The following TMEM233 variants were observed in gnomAD, a reference collection of about 807,000 sequenced individuals.
TMEM233 encodes the protein dispanin subfamily B member 2.
A neutral mutation model predicts 11.2 loss-of-function variants in TMEM233; 6 were observed. The observed-to-expected ratio is 0.54, with a 90% CI of 0.29 to 1.06. The LOEUF is 1.06. Ranked by LOEUF, TMEM233 falls within the 50% of genes least tolerant of loss-of-function variation. The pLI, the probability that TMEM233 is intolerant of heterozygous loss-of-function variation, is 0.08. For synonymous variants in TMEM233, 59 were observed against 55.8 expected, an observed-to-expected ratio of 1.06 and a Z score of -0.26; for missense variants, 127 against 144.7, an observed-to-expected ratio of 0.88 and a Z score of 0.63.
intron 1 of TMEM233, among the ~76,000 whole-genome samples, chr12:119,614,330 G>A (rs1056434009): frequency 6.6e-5 from 10 of 151,950 alleles, no homozygotes; most frequent in South Asian, 2.1e-4. Flanking sequence ...TCGCTTGAAC[G>A]TGGGAAGCGG....
the TMEM233 span, among the ~76,000 whole-genome samples, chr12:119,649,230 G>A: frequency 6.6e-6 from 1 of 152,070 alleles, no homozygotes; most frequent in Non-Finnish European, 1.5e-5. Context: ...CCCAGGTGGC[G>A]GAGGTTGCAG....
chr12:119,632,582 T>G (rs1206182579), intron 2 of TMEM233, among the ~76,000 whole-genome samples: 1 of 152,150 alleles, frequency 6.6e-6, no homozygotes, highest in East Asian at 1.9e-4. Flanking sequence ...AGGACATACA[T>G]GAGGTAGCCT....
At chr12:119,628,808 C>T (rs1001921913) in intron 1 of TMEM233, among the ~76,000 whole-genome samples, 1 of 152,104 alleles carries the variant, frequency 6.6e-6, no homozygotes, top group Non-Finnish European at 1.5e-5. Context: ...CCCACCAGCT[C>T]ACTCTTAAAT....
In TMEM233 at chr12:119,593,868, G is replaced by C. The variant is rs2136654079; in HGVS notation, c.20G>C (p.Ser7Thr). 6.4e-7 allele frequency: 1 copy of C among 1,551,666 alleles called. No homozygotes were observed. MSQYAP[S>T]PDFKRALDSS... ...TCGCCCATGTCTCAGTACGCCCCTA[G>C]CCCGGACTTCAAGAGGGCTTTGGAC... Residue 7 changes from serine (S) to threonine (T), a missense_variant, in exon 1 of 3, where the codon AGC (serine) becomes ACC (threonine). Coordinates refer to ENST00000426426, the MANE Select transcript of TMEM233 (RefSeq NM_001136534.3). The surrounding 1 kb of genome is among the most constrained non-coding windows in gnomAD (Gnocchi z 4.1).
chr12:119,626,472 GAA>G (rs750511494), intron 1 of TMEM233, among the ~76,000 whole-genome samples: 1 of 24,132 alleles, frequency 4.1e-5, no homozygotes, highest in African/African-American at 1.1e-4. Context: ...TCCGTCTCCG[GAA>G]AAAAAAAAAA....
chr12:119,653,160 G>A, the TMEM233 span, among the ~76,000 whole-genome samples: 16 of 152,066 alleles, frequency 1.1e-4, no homozygotes, highest in Admixed American at 6.5e-4. Flanking sequence ...TTGGGAGGCC[G>A]AGGTGGATGG....
chr12:119,621,562 T>C (rs1395207975), intron 1 of TMEM233, among the ~76,000 whole-genome samples: 1 of 152,224 alleles, frequency 6.6e-6, no homozygotes. Context: ...GTACAATTAC[T>C]GTACCAAACT....
rs117638505 is a variant in TMEM233, at chr12:119,619,996, G to A, written c.187-9740G>A. On this transcript the variant is annotated intron_variant, in intron 1 of 2. Transcript: ENST00000426426. ...TACAAAACTCATCAAGAAGAAATAC[G>A]TAGGATCAATAAATATTCATTTATA... 4.9e-4 allele frequency among the ~76,000 whole-genome samples: 74 copies of A among 152,300 alleles called. No homozygotes were observed. In the East Asian group the frequency reaches 0.011, roughly 23 times the overall value.
intron 2 of TMEM233, among the ~76,000 whole-genome samples, chr12:119,633,126 T>G (rs1476061640): frequency 3.3e-5 from 5 of 152,214 alleles, no homozygotes; most frequent in Non-Finnish European, 7.3e-5. Context: ...TATGATTTAA[T>G]ACCAGCTTTA....
chr12:119,617,410 A>T (rs1954558140), intron 1 of TMEM233, among the ~76,000 whole-genome samples: 1 of 152,168 alleles, frequency 6.6e-6, no homozygotes, highest in Non-Finnish European at 1.5e-5. Flanking sequence ...TGCCCCAGAG[A>T]TCTATGGAAC....
chr12:119,614,374 T>A (rs1954477099), intron 1 of TMEM233, among the ~76,000 whole-genome samples: 1 of 151,082 alleles, frequency 6.6e-6, no homozygotes, highest in African/African-American at 2.4e-5. Flanking sequence ...ACCACTGCAC[T>A]CCAGGCTGGG....
intron 1 of TMEM233, among the ~76,000 whole-genome samples, chr12:119,596,083 C>T (rs566328219): frequency 2.0e-5 from 3 of 152,304 alleles, no homozygotes; most frequent in Non-Finnish European, 2.9e-5. Flanking sequence ...CGGTTCCTTC[C>T]GACCAACCAG....
intron 2 of TMEM233, chr12:119,631,800 A>G (rs1216979314): frequency 7.5e-6 from 2 of 266,584 alleles, no homozygotes; most frequent in East Asian, 3.5e-4. Context: ...CTGTAAAATG[A>G]GAATAATAGT....
chr12:119,614,280 A>T (rs1326995719), intron 1 of TMEM233, among the ~76,000 whole-genome samples: 1 of 151,880 alleles, frequency 6.6e-6, no homozygotes, highest in Non-Finnish European at 1.5e-5. Flanking sequence ...GGTGGCGTGC[A>T]TCTGTAATCC....
intron 1 of TMEM233, among the ~76,000 whole-genome samples, chr12:119,614,999 C>T (rs1253510392): frequency 1.3e-5 from 2 of 151,576 alleles, no homozygotes; most frequent in Non-Finnish European, 2.9e-5. Context: ...CTCTCTCTTT[C>T]ACTCCTACAG....
chr12:119,619,521 G>A lies in TMEM233; in HGVS notation c.187-10215G>A, dbSNP rs1346005298. ...CTGGTAGTGGTAGCACTCACCTGTA[G>A]TCCCAGATACTTGGGAGGCTGAGGT... On this transcript the variant is annotated intron_variant, in intron 1 of 2. Coordinates refer to ENST00000426426, the MANE Select transcript of TMEM233 (RefSeq NM_001136534.3). Among the ~76,000 whole-genome samples, 3 of 151,898 alleles carry A rather than the reference G, an allele frequency of 2.0e-5. No individual in the cohort carries two copies. The East Asian group carries it at 5.8e-4, about 29-fold the overall frequency.
At chr12:119,620,704 GA>G (rs112295277) in intron 1 of TMEM233, among the ~76,000 whole-genome samples, 1,633 of 152,200 alleles carry the variant, frequency 0.011, 32 homozygotes, top group African/African-American at 0.037. Flanking sequence ...AGAATACAAG[GA>G]TGATGTAACA....
At chr12:119,629,409 CA>C (rs56377138) in intron 1 of TMEM233, among the ~76,000 whole-genome samples, 4,302 of 27,942 alleles carry the variant, frequency 0.15, 171 homozygotes, top group African/African-American at 0.29. Flanking sequence ...GACTCTGTCT[CA>C]AAAAAAAAAA....
chr12:119,598,308 A>C (rs1465252107), intron 1 of TMEM233, among the ~76,000 whole-genome samples: 1 of 152,234 alleles, frequency 6.6e-6, no homozygotes, highest in African/African-American at 2.4e-5. Context: ...GGAATTTGCT[A>C]CCTGACTCAG....
Sources: gnomAD v4.1 joint callset for allele counts (sites outside exome capture counted in the v4.1 genomes callset) on GRCh38, gnomAD v4.1.1 for gene constraint, Gnocchi (gnomAD v3.1) non-coding constraint, MANE v1.5 for transcripts, NCBI Gene and HGNC (gene_info 2026-07-23, HGNC 2026-07-21) for gene names.